The following UQCC6 variants were observed in gnomAD, a reference collection of about 807,000 sequenced individuals.
UQCC6 encodes protein BRAWNIN.
the UQCC6 span, among the ~76,000 whole-genome samples, chr12:103,958,007 T>TTATATATTTTTAATATATATTTATA: frequency 4.9e-3 from 651 of 132,292 alleles, 8 homozygotes; most frequent in African/African-American, 0.016. Context: ...TAATATATAT[T>TTATATATTTTTAATATATATTTATA]TATTTTTAAT....
the UQCC6 span, among the ~76,000 whole-genome samples, chr12:103,958,727 GTAAA>G: frequency 1.3e-5 from 2 of 152,104 alleles, no homozygotes; most frequent in Admixed American, 6.5e-5. Flanking sequence ...TTGTTGGTGT[GTAAA>G]TAAATAAAAT....
At chr12:103,951,926 A>G in the UQCC6 span, among the ~76,000 whole-genome samples, 1 of 152,208 alleles carries the variant, frequency 6.6e-6, no homozygotes, top group Non-Finnish European at 1.5e-5. Flanking sequence ...AACTTTCCAC[A>G]TCTGGAAATT....
chr12:103,954,970 T>A, the UQCC6 span: 1 of 701,242 alleles, frequency 1.4e-6, no homozygotes, highest in Admixed American at 2.0e-5. Flanking sequence ...GTTTCTCATC[T>A]GAAAACAGAA....
At chr12:103,959,163 C>A in the UQCC6 span, among the ~76,000 whole-genome samples, 3 of 152,226 alleles carry the variant, frequency 2.0e-5, no homozygotes, top group Admixed American at 2.0e-4. Context: ...ACGCTGACTC[C>A]ATTCCTTTGG....
the UQCC6 span, among the ~76,000 whole-genome samples, chr12:103,952,455 G>A: frequency 6.6e-6 from 1 of 152,008 alleles, no homozygotes; most frequent in African/African-American, 2.4e-5. Flanking sequence ...TCCACCTTTT[G>A]GATATTATGA....
the UQCC6 span, among the ~76,000 whole-genome samples, chr12:103,965,059 C>T: frequency 6.6e-6 from 1 of 152,138 alleles, no homozygotes; most frequent in African/African-American, 2.4e-5. Flanking sequence ...TATGAATAAA[C>T]TCAGGAAAGC....
chr12:103,950,291 A>G, the UQCC6 span: 1 of 150,144 alleles, frequency 6.7e-6, no homozygotes, highest in Non-Finnish European at 1.5e-5. Context: ...CAGGGGGTCT[A>G]TGAAGGCACA....
the UQCC6 span, among the ~76,000 whole-genome samples, chr12:103,961,180 TAAAAA>T: frequency 1.3e-5 from 2 of 148,486 alleles, no homozygotes; most frequent in Non-Finnish European, 3.0e-5. Flanking sequence ...TTTTTAAAAG[TAAAAA>T]AAAAAAATTA....
the UQCC6 span, among the ~76,000 whole-genome samples, chr12:103,958,455 C>T: frequency 6.6e-6 from 1 of 152,166 alleles, no homozygotes; most frequent in African/African-American, 2.4e-5. Context: ...TACTCCCTCC[C>T]TCCTCCATGG....
chr12:103,965,697 C>A, the UQCC6 span: 1 of 316,980 alleles, frequency 3.2e-6, no homozygotes, highest in African/African-American at 2.1e-5. Flanking sequence ...CGCTCCTAGT[C>A]CCCGTCTTCT....
At chr12:103,956,677 A>C in the UQCC6 span, 1 of 1,551,728 alleles carries the variant, frequency 6.4e-7, no homozygotes, top group East Asian at 2.4e-5. Flanking sequence ...CCCTGCGCAC[A>C]TGGCCAGGAG....
At chr12:103,963,752 A>G in the UQCC6 span, among the ~76,000 whole-genome samples, 5 of 152,194 alleles carry the variant, frequency 3.3e-5, no homozygotes, top group Non-Finnish European at 7.3e-5. Context: ...TTGTTAGTAC[A>G]TAAATTACAA....
chr12:103,953,269 G>A, the UQCC6 span: 33 of 691,094 alleles, frequency 4.8e-5, no homozygotes, highest in South Asian at 7.5e-5. Context: ...GCATCTGGAT[G>A]TACCTTTCAA....
At chr12:103,964,328 G>C in the UQCC6 span, among the ~76,000 whole-genome samples, 3 of 151,888 alleles carry the variant, frequency 2.0e-5, no homozygotes, top group Non-Finnish European at 4.4e-5. Flanking sequence ...ATGTTGGCCA[G>C]GTGGGTCTCC....
chr12:103,951,580 C>A, the UQCC6 span: 1 of 1,549,050 alleles, frequency 6.5e-7, no homozygotes, highest in Non-Finnish European at 8.7e-7. Context: ...CTTTCAGTCC[C>A]AAAAGCTCCG....
chr12:103,956,002 C>T, the UQCC6 span, among the ~76,000 whole-genome samples: 1 of 152,124 alleles, frequency 6.6e-6, no homozygotes, highest in Non-Finnish European at 1.5e-5. Flanking sequence ...CAAGACTGAA[C>T]CAGACAGACA....
chr12:103,957,192 G>T, the UQCC6 span: 1 of 153,568 alleles, frequency 6.5e-6, no homozygotes, highest in East Asian at 1.9e-4. Context: ...GGAGCGGACG[G>T]CGAGCAGGCC....
At chr12:103,964,710 T>C in the UQCC6 span, among the ~76,000 whole-genome samples, 3 of 152,234 alleles carry the variant, frequency 2.0e-5, no homozygotes, top group Admixed American at 2.0e-4. Context: ...TTCTAGACGA[T>C]GGTCCTGAGC....
At chr12:103,950,624 T>C in the UQCC6 span, 1 of 152,338 alleles carries the variant, frequency 6.6e-6, no homozygotes, top group Non-Finnish European at 1.5e-5. Context: ...GGATGGCGCA[T>C]TTCCATGACC....
Sources: allele counts gnomAD v4.1 joint callset (sites outside exome capture counted in the v4.1 genomes callset), GRCh38; gene constraint gnomAD v4.1.1; transcripts MANE v1.5; gene names NCBI Gene and HGNC (gene_info 2026-07-23, HGNC 2026-07-21).